IMMP2L: variants seen among roughly 807,000 people sequenced by gnomAD.
IMMP2L encodes mitochondrial inner membrane protease subunit 2.
A neutral mutation model predicts 19.3 loss-of-function variants in IMMP2L; 18 were observed. That is an observed-to-expected ratio of 0.93 (90% CI 0.64 to 1.38). The LOEUF is 1.38. IMMP2L is among the 40% of genes most tolerant of loss of function. The pLI, the probability that IMMP2L is intolerant of heterozygous loss-of-function variation, is 0.00. For missense variants in IMMP2L, 233 were observed against 218.2 expected (o/e 1.07, Z -0.43); for synonymous variants, 76 against 73.0 (o/e 1.04, Z -0.21).
intron 3 of IMMP2L, among the ~76,000 whole-genome samples, chr7:111,421,779 T>A (rs1203352073): frequency 1.3e-5 from 2 of 151,814 alleles, no homozygotes; most frequent in Non-Finnish European, 2.9e-5. Context: ...GGTGTTTTAG[T>A]CATGAAGTCC....
intron 5 of IMMP2L, among the ~76,000 whole-genome samples, chr7:110,880,702 A>G (rs572636555): frequency 7.9e-5 from 12 of 152,178 alleles, no homozygotes; most frequent in African/African-American, 2.9e-4. Flanking sequence ...AAAAAATTCT[A>G]AGCACTTATG....
intron 3 of IMMP2L, among the ~76,000 whole-genome samples, chr7:111,141,382 T>C (rs1243734264): frequency 6.6e-5 from 10 of 152,186 alleles, no homozygotes; most frequent in East Asian, 1.9e-4. Context: ...CATTAATATA[T>C]ACATTATTAT....
At chr7:111,252,793 G>A (rs1753240088) in intron 3 of IMMP2L, among the ~76,000 whole-genome samples, 1 of 152,018 alleles carries the variant, frequency 6.6e-6, no homozygotes, top group South Asian at 2.1e-4. Context: ...TGATTTTCAA[G>A]ACCCAAACAT....
chr7:111,414,825 T>C (rs1008275303), intron 3 of IMMP2L, among the ~76,000 whole-genome samples: 5 of 151,768 alleles, frequency 3.3e-5, no homozygotes, highest in African/African-American at 1.2e-4. Context: ...TCTATTAATT[T>C]TTAAAAAAAC....
chr7:110,678,340 T>C (rs1240005924), intron 5 of IMMP2L, among the ~76,000 whole-genome samples: 1 of 152,160 alleles, frequency 6.6e-6, no homozygotes, highest in Non-Finnish European at 1.5e-5. Context: ...ATAGTTTAAA[T>C]ATGCTGTTTA....
At chr7:111,478,106 A>G (rs1045490148) in intron 3 of IMMP2L, among the ~76,000 whole-genome samples, 2 of 152,108 alleles carry the variant, frequency 1.3e-5, no homozygotes, top group Non-Finnish European at 2.9e-5. Flanking sequence ...TGGGACTCCA[A>G]TTAGATGGTA....
chr7:111,329,640 C>T (rs1051810056), intron 3 of IMMP2L, among the ~76,000 whole-genome samples: 4 of 151,850 alleles, frequency 2.6e-5, no homozygotes, highest in African/African-American at 7.3e-5. Flanking sequence ...CTTGCAAAGG[C>T]GTCACTTTGG....
At chr7:111,186,752 T>C (rs949234337) in intron 3 of IMMP2L, among the ~76,000 whole-genome samples, 2 of 152,032 alleles carry the variant, frequency 1.3e-5, no homozygotes, top group Non-Finnish European at 2.9e-5. Flanking sequence ...TAATCAGGCA[T>C]GCTGATGAGG....
chr7:111,194,315 G>T (rs1018858218), intron 3 of IMMP2L, among the ~76,000 whole-genome samples: 2 of 152,118 alleles, frequency 1.3e-5, no homozygotes. Flanking sequence ...TAGTGGAGTA[G>T]ATGTTTACTT....
At chr7:111,337,656 G>C (rs1826579543) in intron 3 of IMMP2L, among the ~76,000 whole-genome samples, 1 of 152,002 alleles carries the variant, frequency 6.6e-6, no homozygotes, top group African/African-American at 2.4e-5. Context: ...GAGAAACTAA[G>C]TACCATACAT....
chr7:111,176,469 C>T (rs184108437), intron 3 of IMMP2L, among the ~76,000 whole-genome samples: 21 of 152,066 alleles, frequency 1.4e-4, no homozygotes, highest in Non-Finnish European at 2.2e-4. Context: ...TCATTTGCAA[C>T]CACATGGATG....
At chr7:110,952,302 G>C (rs1817909783) in intron 4 of IMMP2L, among the ~76,000 whole-genome samples, 1 of 152,150 alleles carries the variant, frequency 6.6e-6, no homozygotes, top group Non-Finnish European at 1.5e-5. Context: ...TTATGCTAGA[G>C]TTTGCGATTT....
intron 3 of IMMP2L, among the ~76,000 whole-genome samples, chr7:111,062,907 G>A (rs1193653325): frequency 2.0e-5 from 3 of 152,176 alleles, no homozygotes; most frequent in Admixed American, 2.0e-4. Flanking sequence ...CTGCTTTCAT[G>A]GGCTGGAATT....
intron 3 of IMMP2L, among the ~76,000 whole-genome samples, chr7:111,055,274 T>A (rs181471530): frequency 6.6e-6 from 1 of 152,118 alleles, no homozygotes; most frequent in Admixed American, 6.5e-5. Context: ...CTTGACTTTA[T>A]GGAATGTTCC....
intron 5 of IMMP2L, among the ~76,000 whole-genome samples, chr7:110,732,495 A>T (rs958173746): frequency 6.6e-6 from 1 of 151,870 alleles, no homozygotes; most frequent in African/African-American, 2.4e-5. Context: ...TATGGTACTG[A>T]ATTCATTTGC....
chr7:111,374,127 T>C (rs1830479048), intron 3 of IMMP2L, among the ~76,000 whole-genome samples: 1 of 152,070 alleles, frequency 6.6e-6, no homozygotes, highest in Non-Finnish European at 1.5e-5. Context: ...CTCTGAACTA[T>C]CCAAGCACAA....
At chr7:110,790,169 G>A (rs897744654) in intron 5 of IMMP2L, among the ~76,000 whole-genome samples, 2 of 151,478 alleles carry the variant, frequency 1.3e-5, no homozygotes, top group African/African-American at 4.9e-5. Flanking sequence ...ACAAGCAGAG[G>A]GGAGAACAAG....
At chr7:111,098,525 C>G (rs192099324) in intron 3 of IMMP2L, among the ~76,000 whole-genome samples, 80 of 151,772 alleles carry the variant, frequency 5.3e-4, no homozygotes, top group Admixed American at 3.4e-3. Flanking sequence ...AAGCAGAGCC[C>G]TTATACGTTC....
chr7:111,131,781 T>G (rs577906225), intron 3 of IMMP2L, among the ~76,000 whole-genome samples: 1 of 151,962 alleles, frequency 6.6e-6, no homozygotes, highest in South Asian at 2.1e-4. Flanking sequence ...CAGAGAAGTA[T>G]TTAAGTATTT....
Sources: gnomAD v4.1 joint callset for allele counts (sites outside exome capture counted in the v4.1 genomes callset) on GRCh38, gnomAD v4.1.1 for gene constraint, MANE v1.5 for transcripts, NCBI Gene and HGNC (gene_info 2026-07-23, HGNC 2026-07-21) for gene names.